PSMF1: variants seen among roughly 807,000 people sequenced by gnomAD.
PSMF1 encodes proteasome inhibitor PI31 subunit.
A neutral mutation model predicts 29.3 loss-of-function variants in PSMF1; 30 were observed. That is an observed-to-expected ratio of 1.02 (90% confidence interval 0.77 to 1.39). The LOEUF (loss-of-function observed/expected upper bound fraction) is 1.39, where lower values mean the gene tolerates loss of function less well. Among genes scored for constraint, PSMF1 ranks in the 40% most tolerant of loss-of-function variants. The pLI is 0.00. For missense variants in PSMF1, 344 were observed against 357.5 expected (o/e 0.96, Z 0.31); for synonymous variants, 134 against 139.7 (o/e 0.96, Z 0.29).
Position 1,169,918 on chromosome 20 carries a change from G to A in PSMF1, c.*4838G>A, listed in dbSNP as rs1377063478. ...AATCTTCTGTGTTGTCTACGCCATGGACCATGATATAAATGGGTACCACAG... is the reference window on the plus strand; with the variant it reads ...AATCTTCTGTGTTGTCTACGCCATGAACCATGATATAAATGGGTACCACAG... On this transcript the variant is annotated 3_prime_UTR_variant, in exon 7 of 7. Coordinates refer to ENST00000335877, the MANE Select transcript of PSMF1 (RefSeq NM_006814.5). Among the ~76,000 whole-genome samples, 2 of 152,122 alleles carry A rather than the reference G, an allele frequency of 1.3e-5. No homozygotes were observed. The highest frequency in any genetic ancestry group is 2.4e-5 in the African/African-American group (1 of 41,424).
rs1345454722 is a variant in PSMF1 at position 1,166,822 on chromosome 20, A to G, written c.*1742A>G. ...TTGGAATTGGACCATTCTTGCAACC[A>G]AAAGGACTTAGAGCAGTTTGCTCAT... On this transcript the variant is annotated 3_prime_UTR_variant, in exon 7 of 7. Coordinates refer to ENST00000335877, the MANE Select transcript of PSMF1 (RefSeq NM_006814.5). The G allele has an allele frequency of 6.5e-6, 1 of 154,730 alleles. No homozygotes were observed. The highest frequency in any genetic ancestry group is 1.4e-5 in the Non-Finnish European group (1 of 69,494). The allele number at this position is 154,730 out of a possible 1,614,324, so 9.6% of individuals were successfully genotyped here.
intron 4 of PSMF1, among the ~76,000 whole-genome samples, chr20:1,141,738 A>T (rs1383159711): frequency 6.6e-6 from 1 of 152,242 alleles, no homozygotes; most frequent in African/African-American, 2.4e-5. Context: ...ACCAGTTTAT[A>T]TATGCAGATG....
intron 4 of PSMF1, among the ~76,000 whole-genome samples, chr20:1,151,742 A>G (rs2086533397): frequency 6.6e-6 from 1 of 152,244 alleles, no homozygotes; most frequent in African/African-American, 2.4e-5. Context: ...CACATTAAAG[A>G]GTGATTAATC....
chr20:1,141,590 T>C (rs2086381126), intron 4 of PSMF1, among the ~76,000 whole-genome samples: 2 of 152,160 alleles, frequency 1.3e-5, no homozygotes, highest in African/African-American at 4.8e-5. Context: ...TAAAATTAGC[T>C]ACTGAATGCC....
At chr20:1,118,570 A>C (rs556577571), upstream of PSMF1, 13 of 541,712 alleles carry the variant, frequency 2.4e-5, no homozygotes, top group Admixed American at 1.8e-4. Context: ...GGCGCGCCTC[A>C]CGCAGTTGCG....
At chr20:1,150,138 C>A (rs1835584372) in intron 4 of PSMF1, among the ~76,000 whole-genome samples, 1 of 150,848 alleles carries the variant, frequency 6.6e-6, no homozygotes, top group Non-Finnish European at 1.5e-5. Flanking sequence ...CATGATCACA[C>A]TACTGTACTC....
rs370371292 is a variant in PSMF1, at chr20:1,136,447, A to G, written c.551+1141A>G. 2.9e-4 allele frequency among the ~76,000 whole-genome samples: 44 copies of G among 152,354 alleles called. 2 individuals carry two copies. The South Asian group carries it at 8.9e-3, about 31-fold the overall frequency. On this transcript the variant is annotated intron_variant, in intron 4 of 6. Coordinates refer to ENST00000335877, the MANE Select transcript of PSMF1 (RefSeq NM_006814.5). ...TGGGAAAAAATTTTAGACCTAAAGT[A>G]AATAGTAATTCTCAGCTTTATTAGA...
chr20:1,133,761 T>C (rs953690415), intron 3 of PSMF1, among the ~76,000 whole-genome samples: 3 of 151,328 alleles, frequency 2.0e-5, no homozygotes, highest in Admixed American at 1.3e-4. Context: ...TTTTTGGTTT[T>C]TGTTTTTTTA....
chr20:1,160,250 C>G (rs956877648), intron 4 of PSMF1, among the ~76,000 whole-genome samples: 10 of 151,920 alleles, frequency 6.6e-5, no homozygotes, highest in Non-Finnish European at 1.3e-4. Context: ...ATTGATGACC[C>G]CCTTTCCCCT....
At chr20:1,118,590 G>T, upstream of PSMF1, 1 of 666,218 alleles carries the variant, frequency 1.5e-6, no homozygotes, top group Non-Finnish European at 2.3e-6. Context: ...GCCCGCTGTT[G>T]GGACTACTTC....
At chr20:1,126,301 T>A (rs6040022) in intron 2 of PSMF1, among the ~76,000 whole-genome samples, 2 of 152,194 alleles carry the variant, frequency 1.3e-5, no homozygotes, top group East Asian at 1.9e-4. Context: ...GTTAACTTTT[T>A]TCTTAGTGGT....
At chr20:1,130,994 G>A (rs2086221389) in intron 3 of PSMF1, among the ~76,000 whole-genome samples, 1 of 152,186 alleles carries the variant, frequency 6.6e-6, no homozygotes, top group Non-Finnish European at 1.5e-5. Context: ...CAAAGGGAGG[G>A]AAGGGGAAGT....
chr20:1,114,399 G>A (rs140175303), upstream of PSMF1, among the ~76,000 whole-genome samples: 69 of 152,342 alleles, frequency 4.5e-4, no homozygotes, highest in African/African-American at 1.5e-3. Context: ...GTCTCACCAC[G>A]GGCTTCTGAG....
chr20:1,164,358 G>A lies in PSMF1; in HGVS notation c.646G>A (p.Gly216Ser). The A allele has an allele frequency of 6.2e-7, 1 of 1,614,022 alleles. No individual in the cohort carries two copies. Among genetic ancestry groups the A allele is most frequent in the South Asian group, 1.1e-5 (1 of 91,080 alleles). The change falls in exon 6 of 7, where the codon GGC becomes AGC. Residue 216 changes from glycine to serine, a missense_variant. Coordinates refer to ENST00000335877, the MANE Select transcript of PSMF1 (RefSeq NM_006814.5). This position sits in a 1 kb window ranked among gnomAD's most constrained non-coding sequence, Gnocchi z 4.1. ...GGMIVDPLRS[G>S]FPRALIDPSS... ...CATGATTGTGGATCCCCTGAGATCT[G>A]GCTTCCCAAGAGCACTTATTGACCC... is the stretch of plus-strand genomic sequence containing the variant.
At chr20:1,152,340 T>C (rs1283840868) in intron 4 of PSMF1, among the ~76,000 whole-genome samples, 1 of 152,210 alleles carries the variant, frequency 6.6e-6, no homozygotes, top group Non-Finnish European at 1.5e-5. Flanking sequence ...GCCCTTAGTA[T>C]TTCCAACTTT....
At chr20:1,149,080 A>G (rs1414376912) in intron 4 of PSMF1, among the ~76,000 whole-genome samples, 1 of 152,236 alleles carries the variant, frequency 6.6e-6, no homozygotes, top group Non-Finnish European at 1.5e-5. Context: ...GTCTGGCTTA[A>G]TGGAAGACAA....
At chr20:1,127,078 AC>A (rs1329047568) in intron 2 of PSMF1, among the ~76,000 whole-genome samples, 1 of 151,926 alleles carries the variant, frequency 6.6e-6, no homozygotes, top group African/African-American at 2.4e-5. Flanking sequence ...CCTCTGTGCT[AC>A]CCTCATTAGC....
intron 1 of PSMF1, among the ~76,000 whole-genome samples, chr20:1,120,621 A>G (rs752416643): frequency 3.3e-5 from 5 of 152,066 alleles, no homozygotes; most frequent in Non-Finnish European, 5.9e-5. Flanking sequence ...TTTTATTTCA[A>G]CTTTTCCTAG....
At chr20:1,144,211 C>G (rs2122544001) in intron 4 of PSMF1, among the ~76,000 whole-genome samples, 1 of 152,268 alleles carries the variant, frequency 6.6e-6, no homozygotes, top group South Asian at 2.1e-4. Flanking sequence ...AGGTGAAATG[C>G]AAATGAAACC....
Sources: allele counts gnomAD v4.1 joint callset (sites outside exome capture counted in the v4.1 genomes callset), GRCh38; gene constraint gnomAD v4.1.1; non-coding constraint Gnocchi (gnomAD v3.1); transcripts MANE v1.5; gene names NCBI Gene and HGNC (gene_info 2026-07-23, HGNC 2026-07-21).